CD59: variants seen among roughly 807,000 people sequenced by gnomAD.
CD59 encodes the protein CD59 molecule (CD59 blood group).
Under a neutral mutation model 7.0 loss-of-function variants are expected in CD59, and 3 were observed. That is an observed-to-expected ratio of 0.43 (90% CI 0.19 to 1.10). The LOEUF is 1.10. Among genes scored for constraint, CD59 ranks in the 50% least tolerant of loss-of-function variants. CD59 has a pLI of 0.29. For synonymous variants in CD59, 60 were observed against 62.0 expected (o/e 0.97, Z 0.15); for missense variants, 143 against 151.0 (o/e 0.95, Z 0.28).
intron 1 of CD59, among the ~76,000 whole-genome samples, chr11:33,730,751 A>G (rs1342741740): frequency 1.3e-5 from 2 of 152,248 alleles, no homozygotes; most frequent in East Asian, 3.9e-4. Context: ...GCAATAGTGT[A>G]AAACTTGAAT....
At chr11:33,722,626 CACCA>C (rs1180606595) in intron 1 of CD59, 163 bp from the exon 2 acceptor site, 48 of 1,490,786 alleles carry the variant, frequency 3.2e-5, no homozygotes, top group Non-Finnish European at 4.3e-5. Flanking sequence ...TGACCCACAG[CACCA>C]TATACCCTTG....
chr11:33,707,309 A>G lies in CD59; in HGVS notation c.*2817T>C, dbSNP rs1853349976. On this transcript the variant is annotated 3_prime_UTR_variant, in exon 4 of 4. Coordinates refer to ENST00000642928, the MANE Select transcript of CD59 (RefSeq NM_000611.6). ...AGTGGTTAATTCTGTCAAGAGGCCCAAAGTCTTGGGCAGGCTCTTATTTTT... is the reference window on the plus strand; with the variant it reads ...AGTGGTTAATTCTGTCAAGAGGCCCGAAGTCTTGGGCAGGCTCTTATTTTT... 6.6e-6 allele frequency: 1 copy of G among 152,240 alleles called. No homozygotes were observed. The highest frequency in any genetic ancestry group is 1.5e-5 in the Non-Finnish European group (1 of 68,034). The allele number at this position is 152,240 out of a possible 1,614,324, so 9.4% of individuals were successfully genotyped here. A position where few individuals can be genotyped will look rare whatever the true frequency, so the allele number is the denominator to read the frequency against.
At chr11:33,735,254 G>T (rs943870043) in intron 1 of CD59, among the ~76,000 whole-genome samples, 11 of 152,198 alleles carry the variant, frequency 7.2e-5, no homozygotes, top group African/African-American at 2.4e-4. Context: ...ATTAGCAGCC[G>T]CCGCGTTTGT....
At chr11:33,723,034 A>C in intron 1 of CD59, 1 of 856,960 alleles carries the variant, frequency 1.2e-6, no homozygotes, top group Non-Finnish European at 1.4e-6. Context: ...GAATGCCTAG[A>C]TGTGTAGTGA....
intron 1 of CD59, among the ~76,000 whole-genome samples, chr11:33,724,397 A>T: frequency 6.6e-6 from 1 of 152,254 alleles, no homozygotes; most frequent in East Asian, 1.9e-4. Flanking sequence ...TTCCAGTCCA[A>T]TCTGGAGGCC....
intron 1 of CD59, chr11:33,733,731 C>T (rs1247492487): frequency 6.6e-6 from 1 of 152,170 alleles, no homozygotes; most frequent in Non-Finnish European, 1.5e-5. Context: ...TAGTTAAACT[C>T]TAGTGGGGAG....
At position 33,708,809 on chromosome 11, in the gene CD59, C is replaced by T. The variant is rs1274762878; in HGVS notation, c.*1317G>A. The T allele has an allele frequency of 6.6e-6, 1 of 152,178 alleles. No individual in the cohort carries two copies. Among genetic ancestry groups the T allele is most frequent in the Non-Finnish European group, 1.5e-5 (1 of 68,036 alleles). The allele number at this position is 152,178 out of a possible 1,614,324, so 9.4% of individuals were successfully genotyped here. A position where few individuals can be genotyped will look rare whatever the true frequency, so the allele number is the denominator to read the frequency against. ...TACTGCATATCCTTTTCGGCCATAA[C>T]CACATTCACCCACTTGTTATATTTC... On this transcript the variant is annotated 3_prime_UTR_variant, in exon 4 of 4. Coordinates refer to ENST00000642928, the MANE Select transcript of CD59 (RefSeq NM_000611.6).
rs1426079889 is a variant in CD59, at chr11:33,709,572, T to C, written c.*554A>G. The C allele has an allele frequency of 5.7e-6, 1 of 174,548 alleles. No individual in the cohort carries two copies. The allele number at this position is 174,548 out of a possible 1,614,324, so 10.8% of individuals were successfully genotyped here. On this transcript the variant is annotated 3_prime_UTR_variant, in exon 4 of 4. Coordinates refer to ENST00000642928, the MANE Select transcript of CD59 (RefSeq NM_000611.6). Reference sequence around the variant, plus strand: ...CTCTAAGTTTTCATGCCCTGCTATCTGGAACACTTCCCCACTTCCCTGCCA... The same window carrying C: ...CTCTAAGTTTTCATGCCCTGCTATCCGGAACACTTCCCCACTTCCCTGCCA...
chr11:33,727,889 G>A (rs568371167), intron 1 of CD59, among the ~76,000 whole-genome samples: 22 of 152,176 alleles, frequency 1.4e-4, no homozygotes, highest in Non-Finnish European at 1.6e-4. Flanking sequence ...GACAAACAGA[G>A]AGCCAAATCA....
At chr11:33,715,457 G>T (rs190568275) in intron 3 of CD59, among the ~76,000 whole-genome samples, 1 of 152,202 alleles carries the variant, frequency 6.6e-6, no homozygotes, top group African/African-American at 2.4e-5. Context: ...AAAATTAGCT[G>T]GGCATGGTGG....
At position 33,705,098 on chromosome 11, in the gene CD59, C is replaced by T. The variant is rs1853257218; in HGVS notation, c.*5028G>A. On this transcript the variant is annotated 3_prime_UTR_variant, in exon 4 of 4. Transcript: ENST00000642928. Reference sequence around the variant, plus strand: ...AGGTAGTTTAGTGGAATAGGGAGTACAGAGGCCTGGAAGATGAGGGAGCTG... The same window carrying T: ...AGGTAGTTTAGTGGAATAGGGAGTATAGAGGCCTGGAAGATGAGGGAGCTG... The T allele has an allele frequency of 6.6e-6, 1 of 152,274 alleles. No homozygotes were observed. Among genetic ancestry groups the T allele is most frequent in the South Asian group, 2.1e-4 (1 of 4,832 alleles). The allele number at this position is 152,274 out of a possible 1,614,324, so 9.4% of individuals were successfully genotyped here.
At chr11:33,725,982 T>C (rs562178498) in intron 1 of CD59, among the ~76,000 whole-genome samples, 2 of 152,300 alleles carry the variant, frequency 1.3e-5, no homozygotes, top group South Asian at 4.1e-4. Context: ...AAGAGCTAAC[T>C]ATCCTAAATA....
intron 3 of CD59, among the ~76,000 whole-genome samples, chr11:33,713,387 A>T (rs1222043498): frequency 6.6e-6 from 1 of 152,228 alleles, no homozygotes; most frequent in Admixed American, 6.5e-5. Context: ...ACCCAATTCC[A>T]TGCAGAGCTT....
chr11:33,704,673 G>T lies in CD59; in HGVS notation c.*5453C>A, dbSNP rs1353606823. ...GTAAGGTTAAGTAACTTGCCTGAGG[G>T]TCGCCGATTAGCATCAGAGCCGGCA... On this transcript the variant is annotated 3_prime_UTR_variant, in exon 4 of 4. Transcript: ENST00000642928. The T allele has an allele frequency of 2.0e-5, 3 of 152,220 alleles. No individual in the cohort carries two copies. Among genetic ancestry groups the T allele is most frequent in the African/African-American group, 7.2e-5 (3 of 41,418 alleles). 9.4% of individuals were successfully genotyped at this position (152,220 alleles called of 1,614,324 possible). A position where few individuals can be genotyped will look rare whatever the true frequency, so the allele number is the denominator to read the frequency against.
rs1400031360 is a variant in CD59 at position 33,707,191 on chromosome 11, A to C, written c.*2935T>G. The stretch of plus-strand genomic sequence containing the variant: ...TCCCTCAGGGGGATCTGTTAGCATT[A>C]GTTCAGATCTGTTGGCAGCAACAGA... On this transcript the variant is annotated 3_prime_UTR_variant, in exon 4 of 4. Transcript: ENST00000642928. 1 of 152,264 alleles carries C rather than the reference A, an allele frequency of 6.6e-6. No homozygotes were observed. The highest frequency in any genetic ancestry group is 1.5e-5 in the Non-Finnish European group (1 of 68,048). 9.4% of individuals were successfully genotyped at this position (152,264 alleles called of 1,614,324 possible). A position where few individuals can be genotyped will look rare whatever the true frequency, so the allele number is the denominator to read the frequency against.
At chr11:33,722,316 G>T in intron 2 of CD59, 63 bp downstream of exon 2, 1 of 1,221,888 alleles carries the variant, frequency 8.2e-7, no homozygotes, top group Non-Finnish European at 1.2e-6. Context: ...TGAAACTGAG[G>T]CTTAAGAAGG....
chr11:33,721,105 C>T (rs1487374794), intron 2 of CD59, among the ~76,000 whole-genome samples: 1 of 151,834 alleles, frequency 6.6e-6, no homozygotes, highest in African/African-American at 2.4e-5. Context: ...AAGAAGGAAC[C>T]AAGAAAAATG....
At chr11:33,722,131 G>A (rs1379470075) in intron 2 of CD59, among the ~76,000 whole-genome samples, 1 of 152,100 alleles carries the variant, frequency 6.6e-6, no homozygotes, top group African/African-American at 2.4e-5. Flanking sequence ...TTCAGCCGCC[G>A]ATTGTTGACC....
chr11:33,728,195 A>G (rs964618706), intron 1 of CD59, among the ~76,000 whole-genome samples: 45 of 152,214 alleles, frequency 3.0e-4, no homozygotes, highest in Non-Finnish European at 5.0e-4. Context: ...GGAACCAAAA[A>G]AGAGCCCACA....
Sources: gnomAD v4.1 joint callset for allele counts (sites outside exome capture counted in the v4.1 genomes callset) on GRCh38, gnomAD v4.1.1 for gene constraint, MANE v1.5 for transcripts, NCBI Gene and HGNC (gene_info 2026-07-23, HGNC 2026-07-21) for gene names.